Variants in ARPP21 observed in about 807,000 individuals in gnomAD.
ARPP21 encodes the protein cAMP-regulated phosphoprotein 21.
A neutral mutation model predicts 113.2 loss-of-function variants in ARPP21; 69 were observed. That is an observed-to-expected ratio of 0.61 (90% CI 0.50 to 0.74). The LOEUF is 0.74. Among genes scored for constraint, ARPP21 ranks in the 30% least tolerant of loss-of-function variants. The pLI, the probability that ARPP21 is intolerant of heterozygous loss-of-function variation, is 0.00. For missense variants in ARPP21, 1,070 were observed against 1,037.4 expected (o/e 1.03, Z -0.43); for synonymous variants, 368 against 375.5 (o/e 0.98, Z 0.23).
At chr3:35,662,613 T>C (rs1347512529) in intron 1 of ARPP21, among the ~76,000 whole-genome samples, 1 of 152,182 alleles carries the variant, frequency 6.6e-6, no homozygotes, top group African/African-American at 2.4e-5. Flanking sequence ...GGAATGACCT[T>C]CAGAGAGTCC....
intron 1 of ARPP21, among the ~76,000 whole-genome samples, chr3:35,671,074 G>A (rs2076227000): frequency 6.6e-6 from 1 of 152,122 alleles, no homozygotes; most frequent in Admixed American, 6.6e-5. Context: ...CTGTACCAGA[G>A]TCTCTGTAAA....
chr3:35,757,387 A>G (rs994684100), intron 19 of ARPP21, among the ~76,000 whole-genome samples: 2 of 152,048 alleles, frequency 1.3e-5, no homozygotes, highest in African/African-American at 4.8e-5. Flanking sequence ...TTGATGAATA[A>G]TTCAATTTTC....
intron 19 of ARPP21, among the ~76,000 whole-genome samples, chr3:35,790,220 A>C (rs2096720710): frequency 6.6e-6 from 1 of 152,206 alleles, no homozygotes; most frequent in Non-Finnish European, 1.5e-5. Context: ...CTTCAGCCAG[A>C]AGTAAGGCCT....
intron 1 of ARPP21, among the ~76,000 whole-genome samples, chr3:35,656,316 A>G (rs971469126): frequency 6.6e-6 from 1 of 152,116 alleles, no homozygotes; most frequent in Non-Finnish European, 1.5e-5. Flanking sequence ...AAATTTTAAA[A>G]TAAAAATTGG....
At chr3:35,791,197 T>C (rs2096740678) in intron 19 of ARPP21, among the ~76,000 whole-genome samples, 1 of 152,232 alleles carries the variant, frequency 6.6e-6, no homozygotes, top group South Asian at 2.1e-4. Flanking sequence ...ATATAAAGAC[T>C]CTCAGAGGCA....
chr3:35,729,371 A>C lies in ARPP21; in HGVS notation c.1294A>C (p.Thr432Pro), dbSNP rs1250092690. The C allele has an allele frequency of 2.5e-6, 4 of 1,614,018 alleles. No homozygotes were observed. In the South Asian group the frequency reaches 4.4e-5, roughly 18 times the overall value. Residue 432 changes from threonine (T) to proline (P), a missense_variant, in exon 15 of 21, where the codon ACA becomes CCA. Coordinates refer to ENST00000684406, the MANE Select transcript of ARPP21 (RefSeq NM_001385562.1). ...CCGCACCCATCCACCTCTCCAGAGC[A>C]CACCCCTAGTCTCAGGTGTGGCAGC... is the stretch of plus-strand genomic sequence containing the variant. ...LSRTHPPLQS[T>P]PLVSGVAAGS...
At chr3:35,643,252 A>T (rs540453325) in intron 1 of ARPP21, among the ~76,000 whole-genome samples, 1 of 152,226 alleles carries the variant, frequency 6.6e-6, no homozygotes, top group Non-Finnish European at 1.5e-5. Flanking sequence ...TTTCTATTAA[A>T]TGGGGAAGTT....
intron 18 of ARPP21, among the ~76,000 whole-genome samples, chr3:35,743,108 A>T (rs2094779381): frequency 6.6e-6 from 1 of 152,230 alleles, no homozygotes; most frequent in Non-Finnish European, 1.5e-5. Context: ...TGTACCAATC[A>T]TTCTGCAATG....
At chr3:35,764,429 G>A (rs1156453402) in intron 19 of ARPP21, among the ~76,000 whole-genome samples, 1 of 152,076 alleles carries the variant, frequency 6.6e-6, no homozygotes, top group African/African-American at 2.4e-5. Flanking sequence ...GATTTTATGA[G>A]GTTTTTTTCC....
At chr3:35,668,027 A>C (rs185523855) in intron 1 of ARPP21, among the ~76,000 whole-genome samples, 1 of 132,368 alleles carries the variant, frequency 7.6e-6, no homozygotes, top group Admixed American at 7.6e-5. Flanking sequence ...GAAGAAGAAG[A>C]AGAAGGAGAA....
chr3:35,730,043 G>A (rs1222095060), intron 15 of ARPP21, among the ~76,000 whole-genome samples: 1 of 152,164 alleles, frequency 6.6e-6, no homozygotes, highest in African/African-American at 2.4e-5. Flanking sequence ...TCCTATGAAA[G>A]GAATAAGAAA....
At chr3:35,689,542 T>C (rs2149605320) in intron 7 of ARPP21, among the ~76,000 whole-genome samples, 157 bp downstream of exon 7, 1 of 151,778 alleles carries the variant, frequency 6.6e-6, no homozygotes, top group South Asian at 2.1e-4. Flanking sequence ...ACTAATCGTT[T>C]GCATGTTTAC....
chr3:35,685,581 C>T, intron 5 of ARPP21: 2 of 985,122 alleles, frequency 2.0e-6, no homozygotes, highest in Non-Finnish European at 2.4e-6. Context: ...GTATCGCTTC[C>T]CCAATGTTTG....
intron 1 of ARPP21, among the ~76,000 whole-genome samples, chr3:35,660,791 T>C (rs1204827426): frequency 6.6e-6 from 1 of 152,172 alleles, no homozygotes; most frequent in Non-Finnish European, 1.5e-5. Context: ...CTCTTTATCT[T>C]ACTGGATGGG....
chr3:35,711,563 A>C (rs1378215076), intron 11 of ARPP21, among the ~76,000 whole-genome samples: 1 of 152,136 alleles, frequency 6.6e-6, no homozygotes, highest in Non-Finnish European at 1.5e-5. Flanking sequence ...TCATCTCACA[A>C]TTTCTGTGGG....
At chr3:35,755,750 A>C (rs998361046) in intron 19 of ARPP21, among the ~76,000 whole-genome samples, 1 of 152,082 alleles carries the variant, frequency 6.6e-6, no homozygotes, top group Non-Finnish European at 1.5e-5. Context: ...AGTGAAGAGC[A>C]TCTTAAGTAG....
At chr3:35,654,506 G>A (rs1163473546) in intron 1 of ARPP21, among the ~76,000 whole-genome samples, 3 of 152,028 alleles carry the variant, frequency 2.0e-5, no homozygotes, top group Non-Finnish European at 4.4e-5. Context: ...TAACTAATAC[G>A]TTTCTCCTGC....
chr3:35,639,282 C>A (rs1194403829), upstream of ARPP21, among the ~76,000 whole-genome samples: 5 of 152,054 alleles, frequency 3.3e-5, no homozygotes, highest in Non-Finnish European at 7.4e-5. The surrounding 1 kb of genome is among the most constrained non-coding windows in gnomAD (Gnocchi z 5.0). Context: ...TGGGCCAGTT[C>A]TGGATGCTCC....
chr3:35,727,998 A>G (rs1053283004), intron 14 of ARPP21, among the ~76,000 whole-genome samples: 1 of 152,064 alleles, frequency 6.6e-6, no homozygotes, highest in African/African-American at 2.4e-5. Flanking sequence ...AGAATCCATA[A>G]ACATCACGAT....
Sources: allele counts gnomAD v4.1 joint callset (sites outside exome capture counted in the v4.1 genomes callset), GRCh38; gene constraint gnomAD v4.1.1; non-coding constraint Gnocchi (gnomAD v3.1); transcripts MANE v1.5; gene names NCBI Gene and HGNC (gene_info 2026-07-23, HGNC 2026-07-21).